Variants in REEP3 observed in about 807,000 individuals in gnomAD.
REEP3 encodes the protein receptor expression-enhancing protein 3.
REEP3 carries 20 observed loss-of-function variants against 41.3 expected under a neutral mutation model. That is an observed-to-expected ratio of 0.48 (90% CI 0.34 to 0.70). The LOEUF (loss-of-function observed/expected upper bound fraction) is 0.70, where lower values mean the gene tolerates loss of function less well. Among genes scored for constraint, REEP3 ranks in the 30% least tolerant of loss-of-function variants. The pLI is 0.01. For missense variants in REEP3, 271 were observed against 308.8 expected, an observed-to-expected ratio of 0.88 and a Z score of 0.92; for synonymous variants, 104 against 101.8, an observed-to-expected ratio of 1.02 and a Z score of -0.13.
chr10:63,593,000 A>T (rs1331020534), intron 2 of REEP3, among the ~76,000 whole-genome samples: 3 of 151,564 alleles, frequency 2.0e-5, no homozygotes, highest in African/African-American at 7.3e-5. Context: ...ATACAAGAGC[A>T]TCATTTCCTC....
chr10:63,591,130 T>G (rs1340669720), intron 2 of REEP3, among the ~76,000 whole-genome samples: 2 of 139,510 alleles, frequency 1.4e-5, no homozygotes, highest in Non-Finnish European at 3.1e-5. Flanking sequence ...TGTTTTTGTT[T>G]TTTTTTTTTT....
At chr10:63,530,136 T>A (rs2133339481) in intron 1 of REEP3, among the ~76,000 whole-genome samples, 1 of 150,352 alleles carries the variant, frequency 6.7e-6, no homozygotes, top group Admixed American at 6.7e-5. Context: ...TACCATTTGT[T>A]AGGGTATATG....
At chr10:63,567,298 A>G (rs1365357659) in intron 2 of REEP3, among the ~76,000 whole-genome samples, 1 of 152,132 alleles carries the variant, frequency 6.6e-6, no homozygotes, top group Non-Finnish European at 1.5e-5. Context: ...AATATAATAC[A>G]ACTCTTTCTA....
At position 63,543,172 on chromosome 10, in the gene REEP3, T is replaced by C. The variant is rs565612405; in HGVS notation, c.32+21595T>C. 6.1e-4 allele frequency among the ~76,000 whole-genome samples: 93 copies of C among 152,336 alleles called. 1 individual carries two copies. The highest frequency in any genetic ancestry group is 6.8e-3 in the Middle Eastern group (2 of 294). On this transcript the variant is annotated intron_variant, in intron 1 of 7. Transcript: ENST00000373758. ...TGTAACAAACCACCCAATAACTTAG[T>C]GACTTAAAATAATAATCATTTTATT...
chr10:63,599,371 G>T, intron 5 of REEP3, 88 bp downstream of exon 5: 1 of 522,796 alleles, frequency 1.9e-6, no homozygotes, highest in Non-Finnish European at 3.2e-6. Flanking sequence ...ATAAAATTGT[G>T]GCATTTTGCT....
At chr10:63,528,468 C>T (rs1955387700) in intron 1 of REEP3, among the ~76,000 whole-genome samples, 1 of 152,210 alleles carries the variant, frequency 6.6e-6, no homozygotes. Flanking sequence ...TCCAAGCCAG[C>T]ATCATCTCTG....
At chr10:63,615,214 TTTG>T (rs1364654862) in intron 6 of REEP3, among the ~76,000 whole-genome samples, 3 of 152,194 alleles carry the variant, frequency 2.0e-5, no homozygotes, top group East Asian at 1.9e-4. Flanking sequence ...AGCTTTTTCG[TTTG>T]TTGTTGTTGT....
intron 4 of REEP3, among the ~76,000 whole-genome samples, 160 bp from the exon 5 acceptor site, chr10:63,599,010 A>G (rs1257769855): frequency 1.3e-5 from 2 of 152,190 alleles, no homozygotes; most frequent in Non-Finnish European, 2.9e-5. Context: ...CAAAAGGAAG[A>G]GACCCTCTCT....
chr10:63,571,429 G>T (rs575591028), intron 2 of REEP3, among the ~76,000 whole-genome samples: 20 of 152,210 alleles, frequency 1.3e-4, no homozygotes, highest in African/African-American at 2.9e-4. Flanking sequence ...CAGGCTGCCC[G>T]CATTCCTTGG....
At chr10:63,553,505 G>A (rs1955649041) in intron 1 of REEP3, among the ~76,000 whole-genome samples, 1 of 152,088 alleles carries the variant, frequency 6.6e-6, no homozygotes, top group Admixed American at 6.5e-5. Context: ...ACCTGGTGAA[G>A]CGTTTTCATG....
intron 2 of REEP3, among the ~76,000 whole-genome samples, chr10:63,575,843 C>T (rs1955894516): frequency 6.6e-6 from 1 of 152,310 alleles, no homozygotes; most frequent in Admixed American, 6.5e-5. Context: ...AAGCAATTCT[C>T]CTGTCTCAGC....
intron 2 of REEP3, among the ~76,000 whole-genome samples, chr10:63,592,019 G>A (rs1181536663): frequency 1.3e-5 from 2 of 152,180 alleles, no homozygotes; most frequent in African/African-American, 4.8e-5. Flanking sequence ...TTATTTTTCT[G>A]TGAATTTATT....
intron 1 of REEP3, among the ~76,000 whole-genome samples, chr10:63,556,635 T>G (rs1054281253): frequency 0.52 from 3,698 of 7,108 alleles, 479 homozygotes; most frequent in East Asian, 0.63. Flanking sequence ...TGTTGTTTTG[T>G]TTTTTTTTTT....
intron 2 of REEP3, among the ~76,000 whole-genome samples, chr10:63,571,761 C>A (rs775112686): frequency 1.3e-5 from 2 of 152,190 alleles, no homozygotes; most frequent in Non-Finnish European, 2.9e-5. Flanking sequence ...GTTGTTCTAA[C>A]TGCAGTCTTA....
At chr10:63,601,101 C>G (rs1956168288) in intron 5 of REEP3, among the ~76,000 whole-genome samples, 1 of 151,958 alleles carries the variant, frequency 6.6e-6, no homozygotes, top group Non-Finnish European at 1.5e-5. Flanking sequence ...CTGCACTGAG[C>G]CAAGATCACA....
rs569812719 is a variant in REEP3 at position 63,624,065 on chromosome 10, T to A, written c.*3196T>A. Reference sequence around the variant, plus strand: ...TTGTTAAGAAATATATAATGATATCTTACATTAAGCATGAGTCTAATTTGT... The same window carrying A: ...TTGTTAAGAAATATATAATGATATCATACATTAAGCATGAGTCTAATTTGT... On this transcript the variant is annotated 3_prime_UTR_variant, in exon 8 of 8. Transcript: ENST00000373758. The A allele has an allele frequency of 6.6e-6, 1 of 152,122 alleles. No homozygotes were observed. The highest frequency in any genetic ancestry group is 2.4e-5 in the African/African-American group (1 of 41,438). 9.4% of individuals were successfully genotyped at this position (152,122 alleles called of 1,614,324 possible).
At chr10:63,602,680 T>C (rs982451599) in intron 5 of REEP3, among the ~76,000 whole-genome samples, 9 of 152,370 alleles carry the variant, frequency 5.9e-5, no homozygotes, top group South Asian at 4.1e-4. Flanking sequence ...TGTGACTATT[T>C]TGTGCAGTAC....
intron 2 of REEP3, 47 bp downstream of exon 2, chr10:63,566,457 G>A: frequency 9.5e-7 from 1 of 1,052,058 alleles, no homozygotes; most frequent in Non-Finnish European, 1.4e-6. Flanking sequence ...ATATTTTAAT[G>A]ATACACACTG....
chr10:63,586,626 GA>G (rs958793782), intron 2 of REEP3, among the ~76,000 whole-genome samples: 11 of 151,648 alleles, frequency 7.3e-5, no homozygotes, highest in East Asian at 1.9e-4. Context: ...CAAATAATTA[GA>G]AAAAAAATGG....
Sources: gnomAD v4.1 joint callset for allele counts (sites outside exome capture counted in the v4.1 genomes callset) on GRCh38, gnomAD v4.1.1 for gene constraint, MANE v1.5 for transcripts, NCBI Gene and HGNC (gene_info 2026-07-23, HGNC 2026-07-21) for gene names.